The following HSPA12B variants were observed in gnomAD, a reference collection of about 807,000 sequenced individuals.
HSPA12B encodes the protein heat shock 70 kDa protein 12B.
A neutral mutation model predicts 69.3 loss-of-function variants in HSPA12B; 54 were observed. The ratio of observed to expected loss-of-function variants is 0.78; its 90% confidence interval spans 0.63 to 0.98. HSPA12B has a LOEUF of 0.98. Among genes scored for constraint, HSPA12B ranks in the 50% least tolerant of loss-of-function variants. The pLI is 0.00. For synonymous variants in HSPA12B, 441 were observed against 436.5 expected (o/e 1.01, Z -0.13); for missense variants, 929 against 999.8 (o/e 0.93, Z 0.96).
chr20:3,736,121 G>A (rs1328573474), intron 1 of HSPA12B, among the ~76,000 whole-genome samples: 1 of 152,242 alleles, frequency 6.6e-6, no homozygotes, highest in Admixed American at 6.5e-5. Flanking sequence ...GAATTGGGAA[G>A]AGATAGAAAG....
At chr20:3,741,306 T>C (rs1194911991) in intron 3 of HSPA12B, among the ~76,000 whole-genome samples, 1 of 96,632 alleles carries the variant, frequency 1.0e-5, no homozygotes, top group Non-Finnish European at 2.6e-5. Flanking sequence ...AGAGGAGATG[T>C]GTTGCCAAAA....
rs2088276596 is a variant in HSPA12B at position 3,745,218 on chromosome 20, G to T, written c.453+130G>T. On this transcript the variant is annotated intron_variant, in intron 5 of 12. Coordinates refer to ENST00000254963, the MANE Select transcript of HSPA12B (RefSeq NM_052970.5). The surrounding 1 kb of genome is among the most constrained non-coding windows in gnomAD (Gnocchi z 5.6). Reference sequence around the variant, plus strand: ...GGAGTCGTGGCTGAGAGGGGGCGGGGCTAAAGGGAGACGTCGGACTCCGGT... The same window carrying T: ...GGAGTCGTGGCTGAGAGGGGGCGGGTCTAAAGGGAGACGTCGGACTCCGGT... 2.3e-6 allele frequency: 2 copies of T among 865,396 alleles called. No homozygotes were observed. Among genetic ancestry groups the T allele is most frequent in the Admixed American group, 4.9e-5 (2 of 40,476 alleles). 53.6% of individuals were successfully genotyped at this position (865,396 alleles called of 1,614,324 possible).
Position 3,752,095 on chromosome 20 carries a change from A to G in HSPA12B, c.1990A>G (p.Ile664Val), listed in dbSNP as rs2088437496. 2 of 1,516,028 alleles carry G rather than the reference A, an allele frequency of 1.3e-6. No individual in the cohort carries two copies. The highest frequency in any genetic ancestry group is 2.5e-5 in the South Asian group (2 of 80,924). The allele number at this position is 1,516,028 out of a possible 1,614,324, so 93.9% of individuals were successfully genotyped here. The change falls in exon 13 of 13, where the codon ATT (isoleucine) becomes GTT (valine). Residue 664 changes from isoleucine to valine, a missense_variant. By Grantham distance (29) the Ile-to-Val change is conservative. Around this residue, in one of 3 missense-constraint regions of HSPA12B, gnomAD observed 448 missense variants for 448.1 expected, o/e 1.00. Coordinates refer to ENST00000254963, the MANE Select transcript of HSPA12B (RefSeq NM_052970.5). ...RAAMQFGDTE[I>V]KVTAVDVSTN... ...CGCCATGCAGTTTGGCGACACCGAA[A>G]TTAAGGTCACCGCCGTCGACGTCAG...
intron 2 of HSPA12B, among the ~76,000 whole-genome samples, chr20:3,739,096 TGTGA>T (rs1176306257): frequency 1.3e-5 from 2 of 152,206 alleles, no homozygotes; most frequent in African/African-American, 4.8e-5. Flanking sequence ...CAGGACCCTG[TGTGA>T]GTGTGTCAGT....
In HSPA12B at chr20:3,744,952, G is replaced by T; in HGVS notation, c.317G>T (p.Cys106Phe). The T allele has an allele frequency of 6.2e-7, 1 of 1,613,836 alleles. No individual in the cohort carries two copies. Among genetic ancestry groups the T allele is most frequent in the South Asian group, 1.1e-5 (1 of 91,084 alleles). ...GTGGCCCACCAGAAGACCCCGACCT[G>T]CCTGCTGCTGACTCCGGAGGGCGCC... is the stretch of plus-strand genomic sequence containing the variant. ...PGVAHQKTPT[C>F]LLLTPEGAFH... The change falls in exon 5 of 13, where the codon TGC becomes TTC. Residue 106 changes from cysteine to phenylalanine, a missense_variant. By Grantham distance (205) the Cys-to-Phe change is radical. Transcript: ENST00000254963. The surrounding 1 kb of genome is among the most constrained non-coding windows in gnomAD (Gnocchi z 4.9).
chr20:3,741,035 C>T lies in HSPA12B; in HGVS notation c.141+123C>T, dbSNP rs1285825891. On this transcript the variant is annotated intron_variant, in intron 3 of 12. Coordinates refer to ENST00000254963, the MANE Select transcript of HSPA12B (RefSeq NM_052970.5). ...AGGGGATGGGGGTAGCACCATGCCT[C>T]TTGTCCCCGTACACTCCAGTCATGT... 4.2e-6 allele frequency: 3 copies of T among 722,626 alleles called. No individual in the cohort carries two copies. The African/African-American group carries it at 5.4e-5, about 13-fold the overall frequency. The allele number at this position is 722,626 out of a possible 1,614,324, so 44.8% of individuals were successfully genotyped here.
intron 1 of HSPA12B, among the ~76,000 whole-genome samples, 175 bp from the exon 2 acceptor site, chr20:3,738,483 A>C (rs1298634217): frequency 1.3e-5 from 2 of 152,196 alleles, no homozygotes; most frequent in Non-Finnish European, 2.9e-5. Flanking sequence ...ATTGTTTAAA[A>C]CGTCTTTATC....
chr20:3,751,265 A>C (rs1313819191), intron 12 of HSPA12B: 3 of 985,480 alleles, frequency 3.0e-6, no homozygotes, highest in Non-Finnish European at 3.6e-6. Flanking sequence ...GCATATCCTT[A>C]TCTCTCGTCC....
chr20:3,751,314 T>C (rs962067811), intron 12 of HSPA12B, 197 bp from the exon 13 acceptor site: 73 of 985,302 alleles, frequency 7.4e-5, no homozygotes, highest in Middle Eastern at 1.0e-3. Flanking sequence ...AGCGTGAGTG[T>C]TGGGGAGGCG....
chr20:3,752,038 G>A lies in HSPA12B; in HGVS notation c.1933G>A (p.Gly645Ser), dbSNP rs770877828. ...CGCCGACTGCGGCCAGGACACCGCC[G>A]GCGCGCCTCCCGGCCGCCGCGAGAT... ...EPADCGQDTA[G>S]APPGRREIRA... The change falls in exon 13 of 13, where the codon GGC becomes AGC. Residue 645 changes from glycine to serine, a missense_variant. Physicochemically the swap from Gly to Ser is moderately conservative, Grantham distance 56. Coordinates refer to ENST00000254963, the MANE Select transcript of HSPA12B (RefSeq NM_052970.5). 14 of 1,552,218 alleles carry A rather than the reference G, an allele frequency of 9.0e-6. No individual in the cohort carries two copies. The highest frequency in any genetic ancestry group is 1.7e-4 in the Middle Eastern group (1 of 5,962).
rs1046542057 is a variant in HSPA12B at position 3,751,419 on chromosome 20, G to T, written c.1406-92G>T. On this transcript the variant is annotated intron_variant, in intron 12 of 12. Transcript: ENST00000254963. ...GTACAGGCTAGGGAGGGGAGGCGCC[G>T]GTGGCCGCCTAGTGGTGGCCTCAGT... The T allele has an allele frequency of 3.0e-6, 4 of 1,349,646 alleles. No homozygotes were observed. In the African/African-American group the frequency reaches 6.1e-5, roughly 21 times the overall value. 83.6% of individuals were successfully genotyped at this position (1,349,646 alleles called of 1,614,324 possible).
In HSPA12B at chr20:3,748,566, CCCA is replaced by C. The variant is rs2088351706; in HGVS notation, c.850+176_850+178del. Among the ~76,000 whole-genome samples the C allele has an allele frequency of 2.6e-5, 4 of 152,260 alleles. No homozygotes were observed. In the South Asian group the frequency reaches 8.3e-4, roughly 32 times the overall value. On this transcript the variant is annotated intron_variant, in intron 8 of 12. Coordinates refer to ENST00000254963, the MANE Select transcript of HSPA12B (RefSeq NM_052970.5). ...TCTGAGGAAGGGAGGCACAGCCCTGCCCAAGGGCAACCTCGTCTCAGGGTGGGA... is the reference window on the plus strand; with the variant it reads ...TCTGAGGAAGGGAGGCACAGCCCTGCAGGGCAACCTCGTCTCAGGGTGGGA...
chr20:3,745,727 C>T lies in HSPA12B; in HGVS notation c.558+130C>T. ...CGCCGGAGCTCAGAGGTCATCTTCTCCAGTACCCTCCTCCCTTTTTGTCTG... is the reference window on the plus strand; with the variant it reads ...CGCCGGAGCTCAGAGGTCATCTTCTTCAGTACCCTCCTCCCTTTTTGTCTG... On this transcript the variant is annotated intron_variant, in intron 6 of 12. Transcript: ENST00000254963. This position sits in a 1 kb window ranked among gnomAD's most constrained non-coding sequence, Gnocchi z 5.6. 2 of 925,360 alleles carry T rather than the reference C, an allele frequency of 2.2e-6. No individual in the cohort carries two copies. The highest frequency in any genetic ancestry group is 3.4e-6 in the Non-Finnish European group (2 of 581,456). The allele number at this position is 925,360 out of a possible 1,614,324, so 57.3% of individuals were successfully genotyped here. A position where few individuals can be genotyped will look rare whatever the true frequency, so the allele number is the denominator to read the frequency against.
chr20:3,743,060 A>G (rs907518076), intron 4 of HSPA12B, among the ~76,000 whole-genome samples: 1 of 112,454 alleles, frequency 8.9e-6, no homozygotes, highest in Non-Finnish European at 1.9e-5. Flanking sequence ...TTTTTTTTGT[A>G]TTTTTAGTAG....
In HSPA12B at chr20:3,748,333, G is replaced by A. The variant is rs1025014529; in HGVS notation, c.792G>A (p.Arg264=). ...ACCAGCTCCTGGACCTGAGTGGCCG[G>A]GCCCCAGGTGGTGGGCGCCTGGGTG... ...RLHQLLDLSG[R]APGGGRLGER... Residue 264 remains arginine (R), a synonymous_variant, in exon 8 of 13, where the codon CGG becomes CGA. Coordinates refer to ENST00000254963, the MANE Select transcript of HSPA12B (RefSeq NM_052970.5). The A allele has an allele frequency of 1.2e-6, 2 of 1,610,522 alleles. No homozygotes were observed. The highest frequency in any genetic ancestry group is 1.7e-6 in the Non-Finnish European group (2 of 1,178,502).
At chr20:3,734,978 TC>T (rs904523059) in intron 1 of HSPA12B, among the ~76,000 whole-genome samples, 2 of 151,974 alleles carry the variant, frequency 1.3e-5, no homozygotes, top group Admixed American at 6.6e-5. Flanking sequence ...GCTCAAGCAA[TC>T]CACCCACTTT....
At position 3,748,373 on chromosome 20, in the gene HSPA12B, G is replaced by C. The variant is rs779468466; in HGVS notation, c.832G>C (p.Asp278His). 6.3e-7 allele frequency: 1 copy of C among 1,599,578 alleles called. No homozygotes were observed. The highest frequency in any genetic ancestry group is 8.5e-7 in the Non-Finnish European group (1 of 1,173,760). ...GGRLGERRSI[D>H]SSFRQAREQL... is the part of the protein sequence containing the mutation. ...GCGCCTGGGTGAGCGCCGCTCCATC[G>C]ACTCCAGCTTCCGTCAGGGTGAGCT... The change falls in exon 8 of 13, where the codon GAC becomes CAC. Residue 278 changes from aspartate to histidine, a missense_variant. Asp to His is a moderately conservative substitution (Grantham distance 81). Around this residue, in one of 3 missense-constraint regions of HSPA12B, gnomAD observed 477 missense variants for 535.2 expected, o/e 0.89. Coordinates refer to ENST00000254963, the MANE Select transcript of HSPA12B (RefSeq NM_052970.5).
At position 3,740,137 on chromosome 20, in the gene HSPA12B, A is replaced by G. The variant is rs550518724; in HGVS notation, c.44-678A>G. Among the ~76,000 whole-genome samples, 1 of 150,418 alleles carries G rather than the reference A, an allele frequency of 6.6e-6. No individual in the cohort carries two copies. Among genetic ancestry groups the G allele is most frequent in the South Asian group, 2.1e-4 (1 of 4,816 alleles). ...GCGTCCTGCCCTGAAATGCTGGCTC[A>G]GGGTGTGTGTATGTGTGTGTGTGGG... On this transcript the variant is annotated intron_variant, in intron 2 of 12. Coordinates refer to ENST00000254963, the MANE Select transcript of HSPA12B (RefSeq NM_052970.5). The surrounding 1 kb of genome is among the most constrained non-coding windows in gnomAD (Gnocchi z 4.9).
chr20:3,738,530 C>T, intron 1 of HSPA12B, 128 bp from the exon 2 acceptor site: 3 of 794,102 alleles, frequency 3.8e-6, no homozygotes, highest in African/African-American at 3.4e-5. Context: ...ACGGGTGAAA[C>T]AACATGATGG....
Sources: gnomAD v4.1 joint callset for allele counts (sites outside exome capture counted in the v4.1 genomes callset) on GRCh38, gnomAD v4.1.1 for gene constraint, gnomAD v4.1.1 regional missense constraint, Gnocchi (gnomAD v3.1) non-coding constraint, MANE v1.5 for transcripts, NCBI Gene and HGNC (gene_info 2026-07-23, HGNC 2026-07-21) for gene names.